The following LINGO3 variants were observed in gnomAD, a reference collection of about 807,000 sequenced individuals.
LINGO3 encodes the protein leucine-rich repeat and immunoglobulin-like domain-containing nogo receptor-interacting protein 3.
For synonymous variants in LINGO3, 427 were observed against 444.2 expected (o/e 0.96, Z 0.49); for missense variants, 750 against 867.7 (o/e 0.86, Z 1.70).
At chr19:2,302,060 G>GTTTT in the LINGO3 span, among the ~76,000 whole-genome samples, 2 of 71,732 alleles carry the variant, frequency 2.8e-5, no homozygotes, top group Non-Finnish European at 5.4e-5. Context: ...TTTGTGGGTA[G>GTTTT]TTTTTTTTTT....
upstream of LINGO3, among the ~76,000 whole-genome samples, chr19:2,292,782 G>A (rs983680217): frequency 2.0e-5 from 3 of 152,032 alleles, no homozygotes; most frequent in Admixed American, 6.6e-5. Flanking sequence ...GAGCCACCGC[G>A]CCCACCCGCT....
At chr19:2,292,107 G>T (rs1599164625), upstream of LINGO3, 1 of 345,622 alleles carries the variant, frequency 2.9e-6, no homozygotes, top group Non-Finnish European at 5.6e-6. Context: ...AGGATGGCTT[G>T]GGCCCAGGAG....
At chr19:2,302,718 G>T in the LINGO3 span, among the ~76,000 whole-genome samples, 2 of 152,372 alleles carry the variant, frequency 1.3e-5, no homozygotes, top group Non-Finnish European at 2.9e-5. Context: ...GTGTTTCAAG[G>T]ACAGAGCCTC....
At position 2,290,502 on chromosome 19, in the gene LINGO3, G is replaced by A. The variant is rs1439941740; in HGVS notation, c.1275C>T (p.Val425=). 6.7e-7 allele frequency: 1 copy of A among 1,501,688 alleles called. No homozygotes were observed. The highest frequency in any genetic ancestry group is 8.9e-7 in the Non-Finnish European group (1 of 1,129,926). 93.0% of individuals were successfully genotyped at this position (1,501,688 alleles called of 1,614,324 possible). Residue 425 remains valine (V), a synonymous_variant, in exon 1 of 1, where the codon GTC becomes GTT. Transcript: ENST00000585527. The surrounding 1 kb of genome is among the most constrained non-coding windows in gnomAD (Gnocchi z 6.0). ...CGCCCTCGGCGCGGCAGAGGAAGCGGACGTCTTCGCCCGCGGTGGCCGTGA... is the reference window on the plus strand; with the variant it reads ...CGCCCTCGGCGCGGCAGAGGAAGCGAACGTCTTCGCCCGCGGTGGCCGTGA...
downstream of LINGO3, among the ~76,000 whole-genome samples, chr19:2,287,360 G>A (rs1322983059): frequency 6.6e-6 from 1 of 152,070 alleles, no homozygotes; most frequent in Non-Finnish European, 1.5e-5. This position sits in a 1 kb window ranked among gnomAD's most constrained non-coding sequence, Gnocchi z 4.5. Flanking sequence ...ATAGGCTAAA[G>A]GCACTTGGAT....
At chr19:2,303,650 C>T in the LINGO3 span, among the ~76,000 whole-genome samples, 20 of 152,302 alleles carry the variant, frequency 1.3e-4, no homozygotes, top group South Asian at 3.1e-3. Flanking sequence ...AGTTGGAAGG[C>T]GCGTCCAGCT....
At chr19:2,294,192 T>C (rs1298707140), upstream of LINGO3, among the ~76,000 whole-genome samples, 4 of 152,204 alleles carry the variant, frequency 2.6e-5, no homozygotes, top group Non-Finnish European at 4.4e-5. This position sits in a 1 kb window ranked among gnomAD's most constrained non-coding sequence, Gnocchi z 4.3. Context: ...CAACGACTCC[T>C]GTCCTTACAA....
the LINGO3 span, among the ~76,000 whole-genome samples, chr19:2,301,417 AC>A: frequency 6.6e-6 from 1 of 152,030 alleles, no homozygotes; most frequent in African/African-American, 2.4e-5. Flanking sequence ...CCCAGTCGTG[AC>A]AGGCACAAAT....
the LINGO3 span, among the ~76,000 whole-genome samples, chr19:2,306,948 A>G: frequency 6.6e-6 from 1 of 152,062 alleles, no homozygotes; most frequent in Non-Finnish European, 1.5e-5. Context: ...GCCTCCTGAT[A>G]AAGCCAGCAC....
At chr19:2,291,035 G>T in exon 1 of LINGO3, 1 of 1,610,948 alleles carries the variant, frequency 6.2e-7, no homozygotes, top group South Asian at 1.1e-5. Context: ...AGCGAGGTCA[G>T]GTTCAGGCCC....
the LINGO3 span, among the ~76,000 whole-genome samples, chr19:2,299,764 C>T: frequency 6.9e-6 from 1 of 144,242 alleles, no homozygotes; most frequent in Non-Finnish European, 1.5e-5. Flanking sequence ...TGCTGTGACG[C>T]CCAGGCTGGA....
At chr19:2,291,105 C>G in exon 1 of LINGO3, 1 of 1,608,414 alleles carries the variant, frequency 6.2e-7, no homozygotes, top group Admixed American at 1.7e-5. Flanking sequence ...CCAGGTGCAG[C>G]AGCCCGGGCA....
the LINGO3 span, among the ~76,000 whole-genome samples, chr19:2,298,616 C>T: frequency 6.7e-6 from 1 of 149,998 alleles, no homozygotes. Context: ...TCTCAGCTCA[C>T]TGCAACCTCT....
chr19:2,297,845 T>C, the LINGO3 span, among the ~76,000 whole-genome samples: 1 of 151,754 alleles, frequency 6.6e-6, no homozygotes, highest in African/African-American at 2.4e-5. Context: ...CCTCAAGTGA[T>C]CCACCCGCCT....
rs1443072767 is a variant in LINGO3 at position 2,290,155 on chromosome 19, AC to A, written c.1621del (p.Val541TrpfsTer49). 1 of 1,612,270 alleles carries A rather than the reference AC, an allele frequency of 6.2e-7. No homozygotes were observed. Among genetic ancestry groups the A allele is most frequent in the Non-Finnish European group, 8.5e-7 (1 of 1,179,614 alleles). On this transcript the variant is annotated frameshift_variant, in exon 1 of 1. Coordinates refer to ENST00000585527, the Ensembl canonical transcript of LINGO3. LOFTEE classifies it low-confidence loss of function (END_TRUNC). The surrounding 1 kb of genome is among the most constrained non-coding windows in gnomAD (Gnocchi z 6.0). ...CAGCAGCACGAAGCAGAAGAGGACC[AC>A]GCCCAGGAAGGTGATGCAGCCCATG...
chr19:2,300,687 G>A, the LINGO3 span, among the ~76,000 whole-genome samples: 5 of 151,864 alleles, frequency 3.3e-5, no homozygotes, highest in East Asian at 5.8e-4. Flanking sequence ...GTCCTCCCTC[G>A]CTCTGGGCCT....
At chr19:2,296,096 C>T (rs1884457679), upstream of LINGO3, among the ~76,000 whole-genome samples, 1 of 152,208 alleles carries the variant, frequency 6.6e-6, no homozygotes. Context: ...CAGCAAGCTC[C>T]CTCCCAGCAC....
chr19:2,289,876 G>A, exon 1 of LINGO3: 2 of 779,460 alleles, frequency 2.6e-6, no homozygotes, highest in Non-Finnish European at 4.0e-6. Context: ...TACAAAAAAA[G>A]GGGAAGTTCT....
At chr19:2,303,965 A>C in the LINGO3 span, among the ~76,000 whole-genome samples, 1 of 152,196 alleles carries the variant, frequency 6.6e-6, no homozygotes, top group Non-Finnish European at 1.5e-5. Flanking sequence ...CTTCTGCAAA[A>C]GGGAACTGCA....
Sources: gnomAD v4.1 joint callset for allele counts (sites outside exome capture counted in the v4.1 genomes callset) on GRCh38, gnomAD v4.1.1 for gene constraint, Gnocchi (gnomAD v3.1) non-coding constraint, MANE v1.5 for transcripts, NCBI Gene and HGNC (gene_info 2026-07-23, HGNC 2026-07-21) for gene names.